The following BEND3 variants were observed in gnomAD, a reference collection of about 807,000 sequenced individuals.
BEND3 encodes the protein BEN domain-containing protein 3.
Under a neutral mutation model 60.1 loss-of-function variants are expected in BEND3, and 13 were observed. The ratio of observed to expected loss-of-function variants is 0.22; its 90% CI spans 0.14 to 0.34. BEND3 has a LOEUF of 0.34. Among genes scored for constraint, BEND3 ranks in the 10% least tolerant of loss-of-function variants. The probability of loss-of-function intolerance (pLI) is 1.00; values close to 1 mark genes in which losing one functional copy is unlikely to be tolerated. For synonymous variants in BEND3, 497 were observed against 491.5 expected, an observed-to-expected ratio of 1.01 and a Z score of -0.15; for missense variants, 896 against 1,138.1, an observed-to-expected ratio of 0.79 and a Z score of 3.06.
Position 107,070,829 on chromosome 6 carries a change from T to C in BEND3, c.362A>G (p.Asp121Gly). Residue 121 changes from aspartate (D) to glycine (G), a missense_variant, in exon 4 of 4, where the codon GAT becomes GGT. By Grantham distance (94) the Asp-to-Gly change is moderately conservative. Around this residue, in one of 4 missense-constraint regions of BEND3, gnomAD observed 846 missense variants for 1,036.7 expected, o/e 0.82. Coordinates refer to ENST00000369042, the MANE Select transcript of BEND3 (RefSeq NM_001367314.1). The surrounding 1 kb of genome is among the most constrained non-coding windows in gnomAD (Gnocchi z 6.9). ...CTTCTTGTAGGAAGGGGTGGTGGCA[T>C]CGTTGCAGGGCTCCTCCTCTCCAGG... ...VWPGEEEPCN[D>G]ATTPSYKKPL... 1 of 1,614,032 alleles carries C rather than the reference T, an allele frequency of 6.2e-7. No individual in the cohort carries two copies. Among genetic ancestry groups the C allele is most frequent in the East Asian group, 2.2e-5 (1 of 44,882 alleles).
intron 3 of BEND3, among the ~76,000 whole-genome samples, chr6:107,084,767 C>T (rs142096071): frequency 9.7e-4 from 147 of 152,256 alleles, no homozygotes; most frequent in Non-Finnish European, 2.9e-4. Flanking sequence ...TCTGTAAAAA[C>T]GTACCAATCA....
At chr6:107,073,230 T>TGTGAGCA (rs1562300437) in intron 3 of BEND3, among the ~76,000 whole-genome samples, 2 of 15,386 alleles carry the variant, frequency 1.3e-4, no homozygotes, top group Non-Finnish European at 4.0e-4. Flanking sequence ...TATATATATA[T>TGTGAGCA]ATATATATAT....
chr6:107,110,751 C>T (rs1038664457), intron 1 of BEND3, among the ~76,000 whole-genome samples: 2 of 151,994 alleles, frequency 1.3e-5, no homozygotes, highest in Non-Finnish European at 2.9e-5. Context: ...TACGAGGTTT[C>T]GCGATGTTGG....
chr6:107,109,128 C>T lies in BEND3; in HGVS notation c.-12+5962G>A, dbSNP rs116133604. On this transcript the variant is annotated intron_variant, in intron 1 of 3. Coordinates refer to ENST00000369042, the MANE Select transcript of BEND3 (RefSeq NM_001367314.1). ...GCCAAGAGGGCTGACTTTAAATACACGTTTCAACTTGGATTAAAAATTGGT... is the reference window on the plus strand; with the variant it reads ...GCCAAGAGGGCTGACTTTAAATACATGTTTCAACTTGGATTAAAAATTGGT... 8.6e-3 allele frequency among the ~76,000 whole-genome samples: 1,299 copies of T among 151,628 alleles called. 25 individuals are homozygous for T. The highest frequency in any genetic ancestry group is 0.03 in the African/African-American group (1,241 of 41,380).
chr6:107,069,455 A>G lies in BEND3; in HGVS notation c.1736T>C (p.Val579Ala). The G allele has an allele frequency of 6.2e-7, 1 of 1,611,662 alleles. No homozygotes were observed. The highest frequency in any genetic ancestry group is 8.5e-7 in the Non-Finnish European group (1 of 1,179,694). ...CGTGAAGAGCTCGGGGAACAGGTGCACCAGCAGGCGCGAGGCGAAGTTGCC... is the reference window on the plus strand; with the variant it reads ...CGTGAAGAGCTCGGGGAACAGGTGCGCCAGCAGGCGCGAGGCGAAGTTGCC... ...SIGNFASRLL[V>A]HLFPELFTHE... The change falls in exon 4 of 4, where the codon GTG becomes GCG. Residue 579 changes from valine (V) to alanine (A), a missense_variant. By Grantham distance (64) the Val-to-Ala change is moderately conservative. Coordinates refer to ENST00000369042, the MANE Select transcript of BEND3 (RefSeq NM_001367314.1).
chr6:107,113,437 C>CAAAAAAAA (rs1158122732), intron 1 of BEND3, among the ~76,000 whole-genome samples: 12 of 13,062 alleles, frequency 9.2e-4, no homozygotes, highest in South Asian at 3.1e-3. Flanking sequence ...GACTCCGTCT[C>CAAAAAAAA]AAAAAAAAAA....
intron 3 of BEND3, among the ~76,000 whole-genome samples, chr6:107,093,759 C>G (rs1428700726): frequency 6.6e-6 from 1 of 152,118 alleles, no homozygotes; most frequent in African/African-American, 2.4e-5. Context: ...GATCACAAAC[C>G]TAAATGTAAA....
chr6:107,068,538 G>T lies in BEND3; in HGVS notation c.*166C>A. On this transcript the variant is annotated 3_prime_UTR_variant, in exon 4 of 4. Coordinates refer to ENST00000369042, the MANE Select transcript of BEND3 (RefSeq NM_001367314.1). The surrounding 1 kb of genome is among the most constrained non-coding windows in gnomAD (Gnocchi z 5.8). ...AGACCAAACTCAAGGCTTCTTTCTT[G>T]CGGTTGGGTGGGTGTTTACGTGTGC... 1 of 726,082 alleles carries T rather than the reference G, an allele frequency of 1.4e-6. No individual in the cohort carries two copies. 45.0% of individuals were successfully genotyped at this position (726,082 alleles called of 1,614,324 possible).
At chr6:107,089,601 T>TTTTAAAGGA (rs1491422338) in intron 3 of BEND3, among the ~76,000 whole-genome samples, 1 of 59,416 alleles carries the variant, frequency 1.7e-5, no homozygotes, top group Non-Finnish European at 4.4e-5. Flanking sequence ...AAAAAAAGGA[T>TTTTAAAGGA]TTTTTTTTTT....
chr6:107,080,354 C>CAAAAAAAAAAAAAAA (rs11402351), intron 3 of BEND3, among the ~76,000 whole-genome samples: 1 of 83,268 alleles, frequency 1.2e-5, no homozygotes, highest in Non-Finnish European at 2.4e-5. Flanking sequence ...GATCCCATCT[C>CAAAAAAAAAAAAAAA]AAAAAAAAAA....
At chr6:107,101,592 A>G (rs1429065644) in intron 1 of BEND3, among the ~76,000 whole-genome samples, 1 of 152,208 alleles carries the variant, frequency 6.6e-6, no homozygotes. Flanking sequence ...AAAACATTAC[A>G]CACAGGGTGA....
At position 107,069,049 on chromosome 6, in the gene BEND3, C is replaced by G; in HGVS notation, c.2142G>C (p.Pro714=). The change falls in exon 4 of 4, where the codon CCG becomes CCC. Residue 714 remains proline, a synonymous_variant. Coordinates refer to ENST00000369042, the MANE Select transcript of BEND3 (RefSeq NM_001367314.1). ...CAGACAGCAGGTAGGGAGAAGGCAC[C>G]GGGAAGTCAGGCGAGGGGACCACCA... ...DELVVPSPDF[P]VPSPYLLSDK... is the part of the protein sequence containing the mutation. 1.2e-6 allele frequency: 2 copies of G among 1,613,534 alleles called. No individual in the cohort carries two copies. Among genetic ancestry groups the G allele is most frequent in the Non-Finnish European group, 1.7e-6 (2 of 1,179,998 alleles).
At chr6:107,079,195 A>T (rs1386531831) in intron 3 of BEND3, among the ~76,000 whole-genome samples, 3 of 152,160 alleles carry the variant, frequency 2.0e-5, no homozygotes, top group Non-Finnish European at 4.4e-5. Context: ...AACAATGTGG[A>T]GTTTGGCAGG....
chr6:107,099,449 T>C (rs1468003751), intron 1 of BEND3, among the ~76,000 whole-genome samples, 153 bp from the exon 2 acceptor site: 1 of 152,226 alleles, frequency 6.6e-6, no homozygotes, highest in Non-Finnish European at 1.5e-5. Flanking sequence ...CCTAATCTTG[T>C]CTGCAGACAC....
intron 3 of BEND3, among the ~76,000 whole-genome samples, chr6:107,074,377 T>C (rs564584819): frequency 6.6e-6 from 1 of 152,336 alleles, no homozygotes; most frequent in Admixed American, 6.5e-5. Flanking sequence ...ATCGTGCCAC[T>C]GCACTCTGGC....
chr6:107,072,718 C>A (rs1775008951), intron 3 of BEND3, among the ~76,000 whole-genome samples: 1 of 152,174 alleles, frequency 6.6e-6, no homozygotes, highest in Admixed American at 6.5e-5. Flanking sequence ...GGCGTGGTGG[C>A]TCACGCCTGT....
chr6:107,083,799 T>C (rs567302599), intron 3 of BEND3, among the ~76,000 whole-genome samples: 9 of 151,508 alleles, frequency 5.9e-5, no homozygotes, highest in Non-Finnish European at 1.3e-4. Context: ...ATAAACAAAA[T>C]GTGGTGAGGC....
intron 3 of BEND3, among the ~76,000 whole-genome samples, chr6:107,078,312 G>T (rs1235499827): frequency 6.6e-6 from 1 of 151,954 alleles, no homozygotes; most frequent in Non-Finnish European, 1.5e-5. Flanking sequence ...GTCCTGACTG[G>T]ATGGTGCCCA....
Position 107,103,939 on chromosome 6 carries a change from A to C in BEND3, c.-11-4643T>G, listed in dbSNP as rs569542691. 2.5e-3 allele frequency among the ~76,000 whole-genome samples: 344 copies of C among 136,604 alleles called. 3 individuals carry two copies. Among genetic ancestry groups the C allele is most frequent in the African/African-American group, 8.9e-3 (333 of 37,592 alleles). 89.6% of individuals were successfully genotyped at this position (136,604 alleles called of 152,430 possible). A position where few individuals can be genotyped will look rare whatever the true frequency, so the allele number is the denominator to read the frequency against. The stretch of plus-strand genomic sequence containing the variant: ...CGCCAGGCTAGGCAACAAGAGCGAA[A>C]CTCCGTCTCAAAAAAAAAAAAAAGA... On this transcript the variant is annotated intron_variant, in intron 1 of 3. Coordinates refer to ENST00000369042, the MANE Select transcript of BEND3 (RefSeq NM_001367314.1).
Sources: gnomAD v4.1 joint callset for allele counts (sites outside exome capture counted in the v4.1 genomes callset) on GRCh38, gnomAD v4.1.1 for gene constraint, gnomAD v4.1.1 regional missense constraint, Gnocchi (gnomAD v3.1) non-coding constraint, MANE v1.5 for transcripts, NCBI Gene and HGNC (gene_info 2026-07-23, HGNC 2026-07-21) for gene names.